The following TAF4B variants were observed in gnomAD, a reference collection of about 807,000 sequenced individuals.
TAF4B encodes transcription initiation factor TFIID subunit 4B.
TAF4B carries 38 observed loss-of-function variants against 86.4 expected under a neutral mutation model. The observed-to-expected ratio is 0.44, with a 90% CI of 0.34 to 0.58. The LOEUF is 0.58. TAF4B is among the 20% of genes least tolerant of loss of function. TAF4B has a pLI of 0.02. For synonymous variants in TAF4B, 388 were observed against 391.2 expected, an observed-to-expected ratio of 0.99 and a Z score of 0.10; for missense variants, 988 against 1,027.6, an observed-to-expected ratio of 0.96 and a Z score of 0.53.
At chr18:26,338,677 C>CA (rs894170698) in intron 13 of TAF4B, among the ~76,000 whole-genome samples, 2 of 151,672 alleles carry the variant, frequency 1.3e-5, no homozygotes, top group Non-Finnish European at 2.9e-5. Flanking sequence ...GGGGTTTCTC[C>CA]ATGTTGGTCA....
At position 26,339,360 on chromosome 18, in the gene TAF4B, C is replaced by CT. The variant is rs552873725; in HGVS notation, c.2316+4130dup. Among the ~76,000 whole-genome samples the CT allele has an allele frequency of 2.0e-3, 309 of 152,260 alleles. 2 individuals are homozygous for CT. Among genetic ancestry groups the CT allele is most frequent in the African/African-American group, 7.2e-3 (301 of 41,544 alleles). On this transcript the variant is annotated intron_variant, in intron 13 of 14. Coordinates refer to ENST00000269142, the MANE Select transcript of TAF4B (RefSeq NM_005640.3). ...TTTTGTTTTTGAGAAGGGTCTCACT[C>CT]TGTCACCCAGGCTGGAGCGCAGTGA... is the stretch of plus-strand genomic sequence containing the variant.
intron 1 of TAF4B, among the ~76,000 whole-genome samples, chr18:26,242,015 A>G (rs926096308): frequency 1.3e-5 from 2 of 152,300 alleles, no homozygotes; most frequent in East Asian, 3.9e-4. Context: ...CTATGTGGTC[A>G]ATTTTGGAAT....
chr18:26,260,308 G>A (rs1274481302), intron 1 of TAF4B, among the ~76,000 whole-genome samples: 14 of 152,272 alleles, frequency 9.2e-5, no homozygotes, highest in African/African-American at 2.4e-4. Flanking sequence ...TGTCAATTTT[G>A]TCTTTTGTTG....
At chr18:26,357,666 A>T in intron 13 of TAF4B, 24 bp from the exon 14 acceptor site, 1 of 1,534,252 alleles carries the variant, frequency 6.5e-7, no homozygotes. Flanking sequence ...ATAAACATTG[A>T]TATTTTTTTC....
intron 9 of TAF4B, among the ~76,000 whole-genome samples, chr18:26,293,803 C>T (rs1316819665): frequency 6.6e-6 from 1 of 151,978 alleles, no homozygotes; most frequent in Non-Finnish European, 1.5e-5. Flanking sequence ...AAATCAATTA[C>T]CCTTATCCCC....
chr18:26,290,225 G>A (rs977302364), intron 7 of TAF4B, among the ~76,000 whole-genome samples: 8 of 151,940 alleles, frequency 5.3e-5, no homozygotes, highest in African/African-American at 1.5e-4. Context: ...CTGCAGCCTC[G>A]ATCTCCTGGG....
intron 12 of TAF4B, among the ~76,000 whole-genome samples, chr18:26,333,317 T>C (rs946469091): frequency 3.3e-5 from 5 of 149,920 alleles, no homozygotes; most frequent in African/African-American, 1.2e-4. Flanking sequence ...GCCTCCCAGG[T>C]TCAAACGATT....
chr18:26,312,736 G>A (rs1475565909), intron 9 of TAF4B, among the ~76,000 whole-genome samples: 1 of 152,158 alleles, frequency 6.6e-6, no homozygotes, highest in Non-Finnish European at 1.5e-5. Context: ...GCACATCTTA[G>A]TTGACAGGCA....
chr18:26,324,490 T>G (rs550900514), intron 11 of TAF4B, among the ~76,000 whole-genome samples: 1 of 152,310 alleles, frequency 6.6e-6, no homozygotes, highest in African/African-American at 2.4e-5. Flanking sequence ...AATAGAATTT[T>G]TAAAGTAATA....
intron 14 of TAF4B, among the ~76,000 whole-genome samples, chr18:26,375,456 T>C (rs2057436123): frequency 6.6e-6 from 1 of 152,194 alleles, no homozygotes; most frequent in South Asian, 2.1e-4. Flanking sequence ...TGACTATGTT[T>C]GGTGTTTTTG....
intron 14 of TAF4B, among the ~76,000 whole-genome samples, chr18:26,365,530 A>G (rs757620558): frequency 6.6e-5 from 10 of 152,084 alleles, no homozygotes; most frequent in Non-Finnish European, 1.0e-4. Flanking sequence ...AACCGTAGGA[A>G]CTCTGGTGGT....
intron 13 of TAF4B, among the ~76,000 whole-genome samples, chr18:26,351,035 GT>G (rs1208575183): frequency 4.6e-5 from 7 of 152,118 alleles, no homozygotes; most frequent in African/African-American, 1.7e-4. Flanking sequence ...AAAGAAATCA[GT>G]ATATCACAGA....
intron 9 of TAF4B, among the ~76,000 whole-genome samples, chr18:26,303,386 C>T (rs2056761208): frequency 8.3e-6 from 1 of 120,052 alleles, no homozygotes; most frequent in East Asian, 2.6e-4. Context: ...TTCATCCTCC[C>T]TCCACTTTCA....
At chr18:26,313,492 G>A (rs1371441958) in intron 9 of TAF4B, among the ~76,000 whole-genome samples, 3 of 152,100 alleles carry the variant, frequency 2.0e-5, no homozygotes, top group East Asian at 3.8e-4. Context: ...CCTTTGTGAC[G>A]TTTCTTTGCT....
At position 26,343,589 on chromosome 18, in the gene TAF4B, T is replaced by G. The variant is rs1255228687; in HGVS notation, c.2316+8358T>G. 1.1e-4 allele frequency among the ~76,000 whole-genome samples: 16 copies of G among 152,226 alleles called. 1 individual carries two copies. The highest frequency in any genetic ancestry group is 1.0e-3 in the Admixed American group (16 of 15,286). The stretch of plus-strand genomic sequence containing the variant: ...GCATGCTAAAACAAAGGTATTAACA[T>G]TCTCCAAAGGATTTCTAGAATACCC... On this transcript the variant is annotated intron_variant, in intron 13 of 14. Transcript: ENST00000269142.
chr18:26,226,961 G>A lies in TAF4B; in HGVS notation c.28G>A (p.Gly10Ser). The A allele has an allele frequency of 2.2e-6, 3 of 1,381,862 alleles. No homozygotes were observed. The highest frequency in any genetic ancestry group is 1.6e-5 in the South Asian group (1 of 61,284). The allele number at this position is 1,381,862 out of a possible 1,614,324, so 85.6% of individuals were successfully genotyped here. MPAGLTEPAGAAPPAAVSAS... is the reference protein window; with the variant it reads MPAGLTEPASAAPPAAVSAS... ...GCCCGCCGGCCTCACCGAACCCGCCGGCGCCGCTCCCCCGGCTGCTGTGAG... is the reference window on the plus strand; with the variant it reads ...GCCCGCCGGCCTCACCGAACCCGCCAGCGCCGCTCCCCCGGCTGCTGTGAG... Residue 10 changes from glycine to serine, a missense_variant, in exon 1 of 15, where the codon GGC (glycine) becomes AGC (serine). By Grantham distance (56) the Gly-to-Ser change is moderately conservative (BLOSUM62 0). Coordinates refer to ENST00000269142, the MANE Select transcript of TAF4B (RefSeq NM_005640.3).
intron 13 of TAF4B, among the ~76,000 whole-genome samples, chr18:26,340,066 G>T (rs2057124454): frequency 1.3e-5 from 2 of 152,262 alleles, no homozygotes; most frequent in South Asian, 4.2e-4. Flanking sequence ...CTGGGAAAAA[G>T]AATAAATACT....
chr18:26,352,503 C>T (rs773076816), intron 13 of TAF4B, among the ~76,000 whole-genome samples: 1 of 152,034 alleles, frequency 6.6e-6, no homozygotes, highest in Non-Finnish European at 1.5e-5. Flanking sequence ...TCAACAACAT[C>T]GAGAACTTTT....
chr18:26,303,924 TTA>T (rs1296751646), intron 9 of TAF4B, among the ~76,000 whole-genome samples: 1 of 152,156 alleles, frequency 6.6e-6, no homozygotes, highest in African/African-American at 2.4e-5. Context: ...TAGTATAATT[TTA>T]TTTATGCAGA....
Sources: allele counts gnomAD v4.1 joint callset (sites outside exome capture counted in the v4.1 genomes callset), GRCh38; gene constraint gnomAD v4.1.1; transcripts MANE v1.5; gene names NCBI Gene and HGNC (gene_info 2026-07-23, HGNC 2026-07-21).